Variants in PPFIBP2 observed in about 807,000 individuals in gnomAD.
PPFIBP2 encodes the protein PPFIB scaffold protein 2, also known as liprin-beta-2.
PPFIBP2 carries 118 observed loss-of-function variants against 118.3 expected under a neutral mutation model. The observed-to-expected ratio is 1.00, with a 90% CI of 0.86 to 1.16. PPFIBP2 has a LOEUF of 1.16. Ranked by LOEUF, PPFIBP2 falls within the 50% of genes most tolerant of loss-of-function variation. The pLI, the probability that PPFIBP2 is intolerant of heterozygous loss-of-function variation, is 0.00. For synonymous variants in PPFIBP2, 414 were observed against 397.4 expected (o/e 1.04, Z -0.50); for missense variants, 1,195 against 1,073.1 (o/e 1.11, Z -1.59).
intron 3 of PPFIBP2, among the ~76,000 whole-genome samples, chr11:7,573,504 C>T (rs976768214): frequency 1.3e-5 from 2 of 152,228 alleles, no homozygotes; most frequent in African/African-American, 4.8e-5. Context: ...TGCTTTTGCA[C>T]TGCAAATAGG....
rs1337758540 is a variant in PPFIBP2, at chr11:7,533,042, T to C, written c.-36-16398T>C. ...TTACCAATTCATATCTGTTTTTTTTTGTTGTTGTTGCTTAGCATTCTAAAA... is the reference window on the plus strand; with the variant it reads ...TTACCAATTCATATCTGTTTTTTTTCGTTGTTGTTGCTTAGCATTCTAAAA... On this transcript the variant is annotated intron_variant, in intron 1 of 23. Coordinates refer to ENST00000299492, the MANE Select transcript of PPFIBP2 (RefSeq NM_003621.5). 3.3e-5 allele frequency among the ~76,000 whole-genome samples: 5 copies of C among 150,284 alleles called. No homozygotes were observed. In the East Asian group the frequency reaches 9.6e-4, roughly 29 times the overall value.
At chr11:7,549,929 G>C (rs1237670445) in intron 2 of PPFIBP2, among the ~76,000 whole-genome samples, 2 of 152,192 alleles carry the variant, frequency 1.3e-5, no homozygotes, top group Admixed American at 1.3e-4. Flanking sequence ...GCAGGTGTCA[G>C]CGTCCTCAGA....
At chr11:7,629,211 A>G (rs1374735278) in intron 9 of PPFIBP2, among the ~76,000 whole-genome samples, 2 of 152,182 alleles carry the variant, frequency 1.3e-5, no homozygotes, top group African/African-American at 4.8e-5. Flanking sequence ...GCTTCTGAAA[A>G]TGTTTAAGCC....
chr11:7,537,494 G>C (rs1851330784), intron 1 of PPFIBP2, among the ~76,000 whole-genome samples: 1 of 152,200 alleles, frequency 6.6e-6, no homozygotes, highest in Non-Finnish European at 1.5e-5. Context: ...AGGGCAGGCA[G>C]CCAAATCTTA....
chr11:7,647,415 T>C (rs2135971546), intron 17 of PPFIBP2, among the ~76,000 whole-genome samples: 1 of 152,316 alleles, frequency 6.6e-6, no homozygotes, highest in South Asian at 2.1e-4. Context: ...AATCTAGCTT[T>C]TCATTTATTC....
chr11:7,595,541 T>C lies in PPFIBP2; in HGVS notation c.373-2019T>C, dbSNP rs917140973. On this transcript the variant is annotated intron_variant, in intron 4 of 23. Transcript: ENST00000299492. ...CCCCATTTAAATAATCCTAACACAA[T>C]TGGGAAGCTGCTTGCCAGTAAAGTC... Among the ~76,000 whole-genome samples, 9 of 152,142 alleles carry C rather than the reference T, an allele frequency of 5.9e-5. No homozygotes were observed. In the East Asian group the frequency reaches 1.5e-3, roughly 26 times the overall value.
At chr11:7,634,294 T>G (rs1369350274) in intron 12 of PPFIBP2, among the ~76,000 whole-genome samples, 2 of 152,240 alleles carry the variant, frequency 1.3e-5, no homozygotes, top group African/African-American at 4.8e-5. Context: ...ATGCCCTTAC[T>G]AACACATTAT....
chr11:7,541,697 ACTT>A (rs1371778467), intron 1 of PPFIBP2, among the ~76,000 whole-genome samples: 10 of 152,168 alleles, frequency 6.6e-5, no homozygotes, highest in Non-Finnish European at 1.5e-4. Context: ...TCCATCCCAG[ACTT>A]CTCTGTAAAC....
chr11:7,576,983 C>G (rs1381969767), intron 3 of PPFIBP2: 1 of 152,076 alleles, frequency 6.6e-6, no homozygotes, highest in Non-Finnish European at 1.5e-5. Flanking sequence ...AAGAGCAGCA[C>G]TTATTTTTAG....
chr11:7,621,295 G>A (rs529152367), intron 7 of PPFIBP2, among the ~76,000 whole-genome samples: 1 of 152,276 alleles, frequency 6.6e-6, no homozygotes, highest in Non-Finnish European at 1.5e-5. Context: ...GGCTGAAGCT[G>A]GGCCAAGAAG....
At chr11:7,635,410 G>T in intron 13 of PPFIBP2, 142 bp from the exon 14 acceptor site, 1 of 773,680 alleles carries the variant, frequency 1.3e-6, no homozygotes, top group Non-Finnish European at 2.2e-6. Flanking sequence ...GCCCTGGATG[G>T]TGATTACTTG....
At chr11:7,565,471 C>G (rs946091419) in intron 2 of PPFIBP2, 82 bp from the exon 3 acceptor site, 6 of 1,432,726 alleles carry the variant, frequency 4.2e-6, no homozygotes, top group Middle Eastern at 4.3e-4. Flanking sequence ...TTCACCGTTT[C>G]TTCACCACCT....
chr11:7,515,372 C>T (rs1238401292), intron 1 of PPFIBP2, among the ~76,000 whole-genome samples: 1 of 152,152 alleles, frequency 6.6e-6, no homozygotes, highest in Non-Finnish European at 1.5e-5. Context: ...ACCATGATGC[C>T]TTCTTTACTG....
At chr11:7,518,704 C>A (rs926585368) in intron 1 of PPFIBP2, among the ~76,000 whole-genome samples, 1 of 151,972 alleles carries the variant, frequency 6.6e-6, no homozygotes, top group East Asian at 1.9e-4. Flanking sequence ...GAGGTAGGGT[C>A]GTCTGGAAAT....
intron 1 of PPFIBP2, among the ~76,000 whole-genome samples, chr11:7,535,892 G>T (rs1247410644): frequency 1.3e-5 from 2 of 152,150 alleles, no homozygotes; most frequent in East Asian, 3.9e-4. Flanking sequence ...GGAGTAGGGT[G>T]GGGAAGCATG....
intron 1 of PPFIBP2, among the ~76,000 whole-genome samples, chr11:7,526,991 A>G (rs1266735781): frequency 6.6e-6 from 1 of 151,510 alleles, no homozygotes; most frequent in Admixed American, 6.6e-5. Context: ...GAACCAGGGT[A>G]TGTGGTGTGA....
chr11:7,575,028 A>C (rs1339460707), intron 3 of PPFIBP2, among the ~76,000 whole-genome samples: 2 of 151,800 alleles, frequency 1.3e-5, no homozygotes, highest in Non-Finnish European at 2.9e-5. Context: ...ACCTTTGTTC[A>C]TCACACATTG....
intron 2 of PPFIBP2, among the ~76,000 whole-genome samples, chr11:7,555,495 T>G (rs1261740590): frequency 6.6e-6 from 1 of 151,742 alleles, no homozygotes; most frequent in Non-Finnish European, 1.5e-5. Flanking sequence ...GTCCATACTC[T>G]GAACAGTCCT....
chr11:7,564,374 ACTCT>A (rs1228228724), intron 2 of PPFIBP2, among the ~76,000 whole-genome samples: 1 of 151,970 alleles, frequency 6.6e-6, no homozygotes, highest in South Asian at 2.1e-4. Flanking sequence ...TGTAATATGG[ACTCT>A]CTCTCAGACT....
Sources: allele counts gnomAD v4.1 joint callset (sites outside exome capture counted in the v4.1 genomes callset), GRCh38; gene constraint gnomAD v4.1.1; transcripts MANE v1.5; gene names NCBI Gene and HGNC (gene_info 2026-07-23, HGNC 2026-07-21).